The following ANKRD61 variants were observed in gnomAD, a reference collection of about 807,000 sequenced individuals.
ANKRD61 encodes ankyrin repeat domain 61, also known as ankyrin repeat domain-containing protein 61.
ANKRD61 carries 7 observed loss-of-function variants against 8.4 expected under a neutral mutation model. The observed-to-expected ratio is 0.84, with a 90% CI of 0.48 to 1.57. ANKRD61 has a LOEUF of 1.57. ANKRD61 is among the 40% of genes most tolerant of loss of function. ANKRD61 has a pLI of 0.00. For missense variants in ANKRD61, 516 were observed against 523.4 expected, an observed-to-expected ratio of 0.99 and a Z score of 0.14; for synonymous variants, 198 against 208.0, an observed-to-expected ratio of 0.95 and a Z score of 0.41.
Position 6,032,012 on chromosome 7 carries a change from A to G in ANKRD61, c.216+421A>G, listed in dbSNP as rs1787925983. Reference sequence around the variant, plus strand: ...AGCAGGGCAAAACCCCGTCTCTACTAAAAATACAAAAATTAGCCGGGCTTG... The same window carrying G: ...AGCAGGGCAAAACCCCGTCTCTACTGAAAATACAAAAATTAGCCGGGCTTG... On this transcript the variant is annotated intron_variant, in intron 1 of 2. Coordinates refer to ENST00000409061, the MANE Select transcript of ANKRD61 (RefSeq NM_001271700.2). This position sits in a 1 kb window ranked among gnomAD's most constrained non-coding sequence, Gnocchi z 4.3. Among the ~76,000 whole-genome samples, 1 of 152,086 alleles carries G rather than the reference A, an allele frequency of 6.6e-6. No individual in the cohort carries two copies. Among genetic ancestry groups the G allele is most frequent in the Admixed American group, 6.6e-5 (1 of 15,254 alleles).
In ANKRD61 at chr7:6,035,163, C is replaced by T. The variant is rs986466277; in HGVS notation, c.315-281C>T. Among the ~76,000 whole-genome samples, 3 of 151,448 alleles carry T rather than the reference C, an allele frequency of 2.0e-5. No individual in the cohort carries two copies. Among genetic ancestry groups the T allele is most frequent in the African/African-American group, 2.4e-5 (1 of 41,116 alleles). On this transcript the variant is annotated intron_variant, in intron 2 of 2. Transcript: ENST00000409061. The surrounding 1 kb of genome is among the most constrained non-coding windows in gnomAD (Gnocchi z 5.5). ...CTGCTCCAAGAAGCTGGGCCTTCTT[C>T]ACAACATTGTATAAAAGTGAAAATA...
chr7:6,035,447 C>T lies in ANKRD61; in HGVS notation c.318C>T (p.Asp106=), dbSNP rs990585983. The T allele has an allele frequency of 1.9e-6, 3 of 1,548,888 alleles. No individual in the cohort carries two copies. The highest frequency in any genetic ancestry group is 1.4e-5 in the African/African-American group (1 of 73,146). The part of the protein sequence containing the change: ...LRHGADPEVR[D]TTGLTTLNLM... ...GTGTAATCAATACCCATTCTAGGGACACGACAGGCCTCACCACACTCAACT... is the reference window on the plus strand; with the variant it reads ...GTGTAATCAATACCCATTCTAGGGATACGACAGGCCTCACCACACTCAACT... The change falls in exon 3 of 3, where the codon GAC becomes GAT. Residue 106 remains aspartate, a synonymous_variant. Coordinates refer to ENST00000409061, the MANE Select transcript of ANKRD61 (RefSeq NM_001271700.2). The surrounding 1 kb of genome is among the most constrained non-coding windows in gnomAD (Gnocchi z 5.5).
chr7:6,031,905 A>G (rs1446591226), intron 1 of ANKRD61, among the ~76,000 whole-genome samples: 1 of 152,116 alleles, frequency 6.6e-6, no homozygotes, highest in African/African-American at 2.4e-5. Context: ...CAGACGCAGT[A>G]GCTCATGCCT....
chr7:6,035,734 T>C lies in ANKRD61; in HGVS notation c.605T>C (p.Met202Thr). Reference protein sequence around the residue: ...ADVNAINEASMTPLHMAANML... With the variant: ...ADVNAINEASTTPLHMAANML... ...GTCAATGCTATTAATGAAGCCAGCA[T>C]GACACCCCTTCACATGGCCGCAAAC... Residue 202 changes from methionine to threonine, a missense_variant, in exon 3 of 3, where the codon ATG becomes ACG. Physicochemically the swap from Met to Thr is moderately conservative, Grantham distance 81. Transcript: ENST00000409061. This position sits in a 1 kb window ranked among gnomAD's most constrained non-coding sequence, Gnocchi z 5.5. The C allele has an allele frequency of 6.4e-7, 1 of 1,551,060 alleles. No homozygotes were observed. Among genetic ancestry groups the C allele is most frequent in the Non-Finnish European group, 8.7e-7 (1 of 1,147,100 alleles).
At position 6,031,504 on chromosome 7, in the gene ANKRD61, G is replaced by A. The variant is rs1009649860; in HGVS notation, c.129G>A (p.Thr43=). Residue 43 remains threonine, a synonymous_variant, in exon 1 of 3, where the codon ACG becomes ACA. Transcript: ENST00000409061. ...CCATCATGAGAGAAGACTGCACTAC[G>A]ATCGAGGTACTCCTGAGAAATCACC... ...YEAIMREDCT[T]IEVLLRNHPV... The A allele has an allele frequency of 9.0e-6, 14 of 1,550,522 alleles. No homozygotes were observed. The highest frequency in any genetic ancestry group is 1.7e-4 in the Middle Eastern group (1 of 6,014).
chr7:6,032,129 G>A lies in ANKRD61; in HGVS notation c.216+538G>A, dbSNP rs974294278. On this transcript the variant is annotated intron_variant, in intron 1 of 2. Coordinates refer to ENST00000409061, the MANE Select transcript of ANKRD61 (RefSeq NM_001271700.2). The surrounding 1 kb of genome is among the most constrained non-coding windows in gnomAD (Gnocchi z 4.3). Reference sequence around the variant, plus strand: ...GCAGAGGTTGCAGTGAGCCAAGATCGTACCACTGCACTCTCTAGCCTGGAT... The same window carrying A: ...GCAGAGGTTGCAGTGAGCCAAGATCATACCACTGCACTCTCTAGCCTGGAT... 3.3e-5 allele frequency among the ~76,000 whole-genome samples: 5 copies of A among 152,270 alleles called. No homozygotes were observed. The highest frequency in any genetic ancestry group is 2.1e-4 in the South Asian group (1 of 4,822).
At position 6,035,434 on chromosome 7, in the gene ANKRD61, C is replaced by T. The variant is rs1182380816; in HGVS notation, c.315-10C>T. On this transcript the variant is annotated splice_polypyrimidine_tract_variant and intron_variant, in intron 2 of 2. Coordinates refer to ENST00000409061, the MANE Select transcript of ANKRD61 (RefSeq NM_001271700.2). The surrounding 1 kb of genome is among the most constrained non-coding windows in gnomAD (Gnocchi z 5.5). ...AATTCAGTGTAACGTGTAATCAATA[C>T]CCATTCTAGGGACACGACAGGCCTC... The T allele has an allele frequency of 1.9e-6, 3 of 1,545,406 alleles. No individual in the cohort carries two copies. The East Asian group carries it at 7.4e-5, about 38-fold the overall frequency.
Position 6,033,681 on chromosome 7 carries a change from T to C in ANKRD61, c.314+745T>C, listed in dbSNP as rs976704719. The stretch of plus-strand genomic sequence containing the variant: ...TTCTCCTGGGTTCACGCCATTCTCC[T>C]GCCTCAGCCTCCCAAGTAGCTGGGA... On this transcript the variant is annotated intron_variant, in intron 2 of 2. Transcript: ENST00000409061. The surrounding 1 kb of genome is among the most constrained non-coding windows in gnomAD (Gnocchi z 4.4). Among the ~76,000 whole-genome samples, 3 of 152,070 alleles carry C rather than the reference T, an allele frequency of 2.0e-5. No individual in the cohort carries two copies. The highest frequency in any genetic ancestry group is 2.9e-5 in the Non-Finnish European group (2 of 68,016).
chr7:6,032,988 G>C lies in ANKRD61; in HGVS notation c.314+52G>C, dbSNP rs1562744305. The C allele has an allele frequency of 6.8e-7, 1 of 1,466,994 alleles. No homozygotes were observed. Among genetic ancestry groups the C allele is most frequent in the Non-Finnish European group, 9.3e-7 (1 of 1,079,370 alleles). 90.9% of individuals were successfully genotyped at this position (1,466,994 alleles called of 1,614,324 possible). A position where few individuals can be genotyped will look rare whatever the true frequency, so the allele number is the denominator to read the frequency against. On this transcript the variant is annotated intron_variant, in intron 2 of 2. Transcript: ENST00000409061. This position sits in a 1 kb window ranked among gnomAD's most constrained non-coding sequence, Gnocchi z 4.3. Reference sequence around the variant, plus strand: ...TCTTTTTTTTTCTTTTTTGTTTTGAGGCAGGGGTCTCGCTCTGTTGCCCAG... The same window carrying C: ...TCTTTTTTTTTCTTTTTTGTTTTGACGCAGGGGTCTCGCTCTGTTGCCCAG...
At position 6,033,008 on chromosome 7, in the gene ANKRD61, G is replaced by A. The variant is rs931330615; in HGVS notation, c.314+72G>A. On this transcript the variant is annotated intron_variant, in intron 2 of 2. Transcript: ENST00000409061. The surrounding 1 kb of genome is among the most constrained non-coding windows in gnomAD (Gnocchi z 4.4). ...TTTGAGGCAGGGGTCTCGCTCTGTT[G>A]CCCAGGCTGGAGTGCAATGGCACAA... is the stretch of plus-strand genomic sequence containing the variant. The A allele has an allele frequency of 4.0e-5, 54 of 1,349,752 alleles. No individual in the cohort carries two copies. The highest frequency in any genetic ancestry group is 4.7e-5 in the Non-Finnish European group (46 of 985,284). 83.6% of individuals were successfully genotyped at this position (1,349,752 alleles called of 1,614,324 possible). A position where few individuals can be genotyped will look rare whatever the true frequency, so the allele number is the denominator to read the frequency against.
Position 6,032,772 on chromosome 7 carries a change from A to G in ANKRD61, c.217-67A>G, listed in dbSNP as rs1335030749. On this transcript the variant is annotated intron_variant, in intron 1 of 2. Coordinates refer to ENST00000409061, the MANE Select transcript of ANKRD61 (RefSeq NM_001271700.2). The surrounding 1 kb of genome is among the most constrained non-coding windows in gnomAD (Gnocchi z 4.3). ...TAAATGTATTGCCTTTGAAACGGCA[A>G]GCTAACACAAACAGTATTTTTAACT... The G allele has an allele frequency of 1.5e-6, 2 of 1,331,840 alleles. No homozygotes were observed. Among genetic ancestry groups the G allele is most frequent in the Non-Finnish European group, 2.1e-6 (2 of 955,080 alleles). 82.5% of individuals were successfully genotyped at this position (1,331,840 alleles called of 1,614,324 possible). A position where few individuals can be genotyped will look rare whatever the true frequency, so the allele number is the denominator to read the frequency against.
At position 6,033,000 on chromosome 7, in the gene ANKRD61, G is replaced by C. The variant is rs918650339; in HGVS notation, c.314+64G>C. 1.4e-5 allele frequency: 19 copies of C among 1,394,638 alleles called. No individual in the cohort carries two copies. The highest frequency in any genetic ancestry group is 1.9e-4 in the Middle Eastern group (1 of 5,192). 86.4% of individuals were successfully genotyped at this position (1,394,638 alleles called of 1,614,324 possible). ...TTTTTTGTTTTGAGGCAGGGGTCTC[G>C]CTCTGTTGCCCAGGCTGGAGTGCAA... On this transcript the variant is annotated intron_variant, in intron 2 of 2. Coordinates refer to ENST00000409061, the MANE Select transcript of ANKRD61 (RefSeq NM_001271700.2). This position sits in a 1 kb window ranked among gnomAD's most constrained non-coding sequence, Gnocchi z 4.3.
Position 6,035,061 on chromosome 7 carries a change from G to A in ANKRD61, c.315-383G>A, listed in dbSNP as rs1189715377. On this transcript the variant is annotated intron_variant, in intron 2 of 2. Transcript: ENST00000409061. The surrounding 1 kb of genome is among the most constrained non-coding windows in gnomAD (Gnocchi z 5.5). ...GTAACCCAGCCCAGCACTGTGTGAG[G>A]TGCCAGACTGCAGAAATCACTAAGA... 2.6e-5 allele frequency among the ~76,000 whole-genome samples: 4 copies of A among 152,192 alleles called. No homozygotes were observed. The highest frequency in any genetic ancestry group is 4.4e-5 in the Non-Finnish European group (3 of 68,032).
At position 6,035,528 on chromosome 7, in the gene ANKRD61, A is replaced by C. The variant is rs1788052544; in HGVS notation, c.399A>C (p.Arg133Ser). The C allele has an allele frequency of 6.4e-7, 1 of 1,551,194 alleles. No homozygotes were observed. The change falls in exon 3 of 3, where the codon AGA becomes AGC. Residue 133 changes from arginine to serine, a missense_variant. Transcript: ENST00000409061. This position sits in a 1 kb window ranked among gnomAD's most constrained non-coding sequence, Gnocchi z 5.5. ...TSTTWAKPGN[R>S]THRILTDIQN... ...CCACGTGGGCAAAACCAGGCAACAG[A>C]ACGCACAGGATCCTGACAGACATTC...
chr7:6,036,414 G>A lies in ANKRD61; in HGVS notation c.*28G>A, dbSNP rs895772034. ...TAAGACCTCCCAGTTTCACAGCAGA[G>A]GGACTTTCAGCCACTCAAACTGCAT... On this transcript the variant is annotated 3_prime_UTR_variant, in exon 3 of 3. Transcript: ENST00000409061. This position sits in a 1 kb window ranked among gnomAD's most constrained non-coding sequence, Gnocchi z 4.6. 8 of 1,428,614 alleles carry A rather than the reference G, an allele frequency of 5.6e-6. No homozygotes were observed. The highest frequency in any genetic ancestry group is 7.3e-6 in the Non-Finnish European group (8 of 1,091,080). 88.5% of individuals were successfully genotyped at this position (1,428,614 alleles called of 1,614,324 possible).
chr7:6,035,330 A>G lies in ANKRD61; in HGVS notation c.315-114A>G. The G allele has an allele frequency of 9.7e-7, 1 of 1,030,570 alleles. No individual in the cohort carries two copies. Among genetic ancestry groups the G allele is most frequent in the Middle Eastern group, 2.5e-4 (1 of 4,018 alleles). 63.8% of individuals were successfully genotyped at this position (1,030,570 alleles called of 1,614,324 possible). On this transcript the variant is annotated intron_variant, in intron 2 of 2. Transcript: ENST00000409061. The surrounding 1 kb of genome is among the most constrained non-coding windows in gnomAD (Gnocchi z 5.5). Reference sequence around the variant, plus strand: ...ATACAGATTTTGAAACACGTCCTTAAGGTAATTGAAGGGTCTTACTTTAAA... The same window carrying G: ...ATACAGATTTTGAAACACGTCCTTAGGGTAATTGAAGGGTCTTACTTTAAA...
Position 6,036,191 on chromosome 7 carries a change from C to A in ANKRD61, c.1062C>A (p.Ile354=). The A allele has an allele frequency of 6.5e-7, 1 of 1,549,764 alleles. No individual in the cohort carries two copies. Among genetic ancestry groups the A allele is most frequent in the Non-Finnish European group, 8.7e-7 (1 of 1,146,530 alleles). Residue 354 remains isoleucine, a synonymous_variant, in exon 3 of 3, where the codon ATC becomes ATA. Coordinates refer to ENST00000409061, the MANE Select transcript of ANKRD61 (RefSeq NM_001271700.2). This position sits in a 1 kb window ranked among gnomAD's most constrained non-coding sequence, Gnocchi z 4.6. Reference sequence around the variant, plus strand: ...ACCAAGGAATTCTACCTGCAGGAATCATGCTACCAGAATTCCGCCTCTTAA... The same window carrying A: ...ACCAAGGAATTCTACCTGCAGGAATAATGCTACCAGAATTCCGCCTCTTAA... ...TNNQGILPAG[I]MLPEFRLLRD...
chr7:6,034,221 C>T (rs555605671), intron 2 of ANKRD61, among the ~76,000 whole-genome samples: 25 of 151,944 alleles, frequency 1.6e-4, no homozygotes, highest in Non-Finnish European at 2.6e-4. Flanking sequence ...GCAGGAGAAT[C>T]GCTTGAACCC....
In ANKRD61 at chr7:6,032,157, C is replaced by G. The variant is rs763655823; in HGVS notation, c.216+566C>G. On this transcript the variant is annotated intron_variant, in intron 1 of 2. Transcript: ENST00000409061. This position sits in a 1 kb window ranked among gnomAD's most constrained non-coding sequence, Gnocchi z 4.3. ...CCACTGCACTCTCTAGCCTGGATGA[C>G]AGAGCAAGACTCCATCTCAAACAAA... 1.3e-5 allele frequency among the ~76,000 whole-genome samples: 2 copies of G among 152,192 alleles called. No homozygotes were observed. Among genetic ancestry groups the G allele is most frequent in the Non-Finnish European group, 2.9e-5 (2 of 68,028 alleles).
Sources: gnomAD v4.1 joint callset for allele counts (sites outside exome capture counted in the v4.1 genomes callset) on GRCh38, gnomAD v4.1.1 for gene constraint, Gnocchi (gnomAD v3.1) non-coding constraint, MANE v1.5 for transcripts, NCBI Gene and HGNC (gene_info 2026-07-23, HGNC 2026-07-21) for gene names.